Variants in ESRRB observed in about 807,000 individuals in gnomAD.
ESRRB encodes steroid hormone receptor ERR2.
Under a neutral mutation model 46.0 loss-of-function variants are expected in ESRRB, and 16 were observed. The ratio of observed to expected loss-of-function variants is 0.35; its 90% CI spans 0.24 to 0.53. The LOEUF is 0.53. ESRRB is among the 20% of genes least tolerant of loss of function. The probability of loss-of-function intolerance (pLI) is 0.93; values close to 1 mark genes in which losing one functional copy is unlikely to be tolerated. For missense variants in ESRRB, 488 were observed against 607.4 expected (o/e 0.80, Z 2.07); for synonymous variants, 246 against 259.6 (o/e 0.95, Z 0.50).
intron 5 of ESRRB, among the ~76,000 whole-genome samples, chr14:76,489,020 T>C (rs1183921911): frequency 6.6e-6 from 1 of 152,158 alleles, no homozygotes; most frequent in Non-Finnish European, 1.5e-5. Context: ...TGTAAGTTTT[T>C]GCTGAATGTC....
intron 1 of ESRRB, among the ~76,000 whole-genome samples, chr14:76,346,170 A>T (rs950737741): frequency 2.0e-5 from 3 of 152,194 alleles, no homozygotes; most frequent in Admixed American, 6.5e-5. Context: ...GCATTCACAG[A>T]GTGGACATGG....
At chr14:76,425,379 A>AAGGC (rs141425471) in intron 1 of ESRRB, among the ~76,000 whole-genome samples, 2,269 of 152,278 alleles carry the variant, frequency 0.015, 62 homozygotes, top group African/African-American at 0.052. Flanking sequence ...GGGTCTTTAT[A>AAGGC]AGGCAGGTAG....
intron 1 of ESRRB, among the ~76,000 whole-genome samples, chr14:76,405,867 T>C (rs1463845229): frequency 6.6e-6 from 1 of 152,036 alleles, no homozygotes; most frequent in Admixed American, 6.6e-5. Context: ...TACAGTGAGC[T>C]ATGATTGTGC....
chr14:76,376,516 C>G lies in ESRRB; in HGVS notation c.50+65C>G. 1 of 1,148,114 alleles carries G rather than the reference C, an allele frequency of 8.7e-7. No individual in the cohort carries two copies. Among genetic ancestry groups the G allele is most frequent in the Non-Finnish European group, 1.1e-6 (1 of 911,626 alleles). The allele number at this position is 1,148,114 out of a possible 1,614,324, so 71.1% of individuals were successfully genotyped here. ...GTCTGGCAGTCTCTGTCCTGGGGATCGCAGTTCCTTTTCTGCACATTCTTG... is the reference window on the plus strand; with the variant it reads ...GTCTGGCAGTCTCTGTCCTGGGGATGGCAGTTCCTTTTCTGCACATTCTTG... On this transcript the variant is annotated intron_variant, in intron 1 of 6. Transcript: ENST00000644823. This position sits in a 1 kb window ranked among gnomAD's most constrained non-coding sequence, Gnocchi z 4.1.
At chr14:76,381,261 T>G (rs1213446983) in intron 1 of ESRRB, among the ~76,000 whole-genome samples, 1 of 152,086 alleles carries the variant, frequency 6.6e-6, no homozygotes, top group South Asian at 2.1e-4. Flanking sequence ...TCTGGGGGAC[T>G]GGGAGGCTCA....
chr14:76,472,121 G>A (rs985858257), intron 3 of ESRRB, among the ~76,000 whole-genome samples: 3 of 152,170 alleles, frequency 2.0e-5, no homozygotes, highest in Non-Finnish European at 4.4e-5. Flanking sequence ...CGAACCTCAC[G>A]GTTGATGCCT....
At chr14:76,425,016 T>C (rs1172704149) in intron 1 of ESRRB, among the ~76,000 whole-genome samples, 1 of 152,056 alleles carries the variant, frequency 6.6e-6, no homozygotes, top group African/African-American at 2.4e-5. Context: ...CACCTGTAAA[T>C]CCCATTATAG....
At chr14:76,439,772 G>A (rs1241693876) in intron 2 of ESRRB, 22 bp downstream of exon 2, 1 of 1,610,692 alleles carries the variant, frequency 6.2e-7, no homozygotes, top group African/African-American at 1.3e-5. Flanking sequence ...GCCTCAAGGA[G>A]CCTGGGCGCA....
intron 2 of ESRRB, among the ~76,000 whole-genome samples, chr14:76,449,591 TTG>T: frequency 6.6e-6 from 1 of 151,948 alleles, no homozygotes. Context: ...TTTACTCCCT[TTG>T]TAGTGATTCA....
intron 1 of ESRRB, among the ~76,000 whole-genome samples, chr14:76,323,928 A>G (rs59161249): frequency 0.26 from 39,106 of 151,976 alleles, 5,215 homozygotes; most frequent in East Asian, 0.38. Flanking sequence ...TCATCTGACG[A>G]AGGCATGTAA....
intron 3 of ESRRB, among the ~76,000 whole-genome samples, chr14:76,476,401 A>G (rs1889586844): frequency 6.6e-6 from 1 of 152,208 alleles, no homozygotes; most frequent in South Asian, 2.1e-4. Context: ...ATAATCCTAG[A>G]CAGTAATTGT....
At chr14:76,386,455 T>TTTTA (rs1491332299) in intron 1 of ESRRB, among the ~76,000 whole-genome samples, 2 of 29,122 alleles carry the variant, frequency 6.9e-5, no homozygotes, top group Non-Finnish European at 1.3e-4. Flanking sequence ...GGTTTTTTAA[T>TTTTA]TTTTTTTTTT....
At chr14:76,393,203 C>T (rs1885536143) in intron 1 of ESRRB, among the ~76,000 whole-genome samples, 4 of 152,182 alleles carry the variant, frequency 2.6e-5, no homozygotes, top group Admixed American at 1.3e-4. Context: ...GCAGAGTTCT[C>T]GCAGGAGACC....
At chr14:76,453,595 C>CTCTT (rs1566907002) in intron 2 of ESRRB, among the ~76,000 whole-genome samples, 1 of 141,212 alleles carries the variant, frequency 7.1e-6, no homozygotes, top group Non-Finnish European at 1.5e-5. Context: ...TGAAAAAAAG[C>CTCTT]TCTTTTTTTT....
intron 1 of ESRRB, among the ~76,000 whole-genome samples, chr14:76,402,169 G>T (rs1885972659): frequency 3.9e-5 from 6 of 152,188 alleles, no homozygotes; most frequent in Admixed American, 3.9e-4. Context: ...TACTTAATTT[G>T]CTGATTTCAA....
At chr14:76,399,158 T>A (rs10873289) in intron 1 of ESRRB, among the ~76,000 whole-genome samples, 104,069 of 151,910 alleles carry the variant, frequency 0.69, 37,564 homozygotes, top group Middle Eastern at 0.85. Context: ...GGCTGTGTGA[T>A]GAGGGAGACG....
At chr14:76,358,050 G>T (rs11627949) in intron 1 of ESRRB, among the ~76,000 whole-genome samples, 29,799 of 151,818 alleles carry the variant, frequency 0.2, 3,655 homozygotes, top group Non-Finnish European at 0.28. Flanking sequence ...GGTGGCTCTC[G>T]CCTGTAATCC....
chr14:76,378,932 A>T (rs1884894640), intron 1 of ESRRB, among the ~76,000 whole-genome samples: 3 of 152,140 alleles, frequency 2.0e-5, no homozygotes, highest in Non-Finnish European at 1.5e-5. Context: ...GGGTTCGTGT[A>T]TGCTCTGCTC....
intron 1 of ESRRB, among the ~76,000 whole-genome samples, chr14:76,393,967 ATTTTT>A (rs71122531): frequency 3.2e-5 from 4 of 126,964 alleles, no homozygotes; most frequent in South Asian, 5.4e-4. Flanking sequence ...TGCCTGGCTA[ATTTTT>A]TTTTTTTTTT....
Sources: gnomAD v4.1 joint callset for allele counts (sites outside exome capture counted in the v4.1 genomes callset) on GRCh38, gnomAD v4.1.1 for gene constraint, Gnocchi (gnomAD v3.1) non-coding constraint, MANE v1.5 for transcripts, NCBI Gene and HGNC (gene_info 2026-07-23, HGNC 2026-07-21) for gene names.